The following CLYBL variants were observed in gnomAD, a reference collection of about 807,000 sequenced individuals.
The protein encoded by CLYBL is citramalyl-CoA lyase.
Under a neutral mutation model 38.9 loss-of-function variants are expected in CLYBL, and 31 were observed. The observed-to-expected ratio is 0.80, with a 90% CI of 0.60 to 1.08. The LOEUF (loss-of-function observed/expected upper bound fraction) is 1.08, where lower values mean the gene tolerates loss of function less well. Among genes scored for constraint, CLYBL ranks in the 50% least tolerant of loss-of-function variants. The probability of loss-of-function intolerance (pLI) is 0.00; values close to 1 mark genes in which losing one functional copy is unlikely to be tolerated. For missense variants in CLYBL, 434 were observed against 411.6 expected (o/e 1.05, Z -0.47); for synonymous variants, 171 against 158.6 (o/e 1.08, Z -0.59).
intron 1 of CLYBL, among the ~76,000 whole-genome samples, chr13:99,692,831 T>C (rs947971346): frequency 6.6e-6 from 1 of 152,220 alleles, no homozygotes; most frequent in Non-Finnish European, 1.5e-5. Flanking sequence ...TATATAAATA[T>C]GCCCTTTTAT....
intron 1 of CLYBL, among the ~76,000 whole-genome samples, chr13:99,644,210 A>ATATGTGGTGTATGTATGTC (rs2047141903): frequency 7.2e-6 from 1 of 139,796 alleles, no homozygotes; most frequent in East Asian, 2.0e-4. Context: ...GTGTATGTGT[A>ATATGTGGTGTATGTATGTC]TATGTGGTGT....
rs375375112 is a variant in CLYBL at position 99,646,715 on chromosome 13, A to G, written c.62+39958A>G. Among the ~76,000 whole-genome samples, 665 of 147,062 alleles carry G rather than the reference A, an allele frequency of 4.5e-3. 4 individuals carry two copies. Among genetic ancestry groups the G allele is most frequent in the African/African-American group, 0.016 (628 of 39,510 alleles). On this transcript the variant is annotated intron_variant, in intron 1 of 8. Transcript: ENST00000339105. Reference sequence around the variant, plus strand: ...TTTTTTTTGTATTTTTAGTAGAGACAGGGTTTCACCATCTTGGCCAGGTTG... The same window carrying G: ...TTTTTTTTGTATTTTTAGTAGAGACGGGGTTTCACCATCTTGGCCAGGTTG...
At chr13:99,741,691 G>A (rs896203625) in intron 1 of CLYBL, among the ~76,000 whole-genome samples, 1 of 152,186 alleles carries the variant, frequency 6.6e-6, no homozygotes, top group Non-Finnish European at 1.5e-5. Flanking sequence ...TGCCCAGGCT[G>A]GTCTTGAACT....
At chr13:99,775,979 T>A (rs549656174) in intron 2 of CLYBL, among the ~76,000 whole-genome samples, 1 of 151,408 alleles carries the variant, frequency 6.6e-6, no homozygotes, top group Non-Finnish European at 1.5e-5. Context: ...CTGGCTAACA[T>A]GGTGAAACCC....
At chr13:99,768,865 C>T (rs189747170) in intron 1 of CLYBL, among the ~76,000 whole-genome samples, 7 of 152,202 alleles carry the variant, frequency 4.6e-5, no homozygotes, top group Admixed American at 3.9e-4. Flanking sequence ...TTTCTATTTT[C>T]CCCTATATAT....
intron 1 of CLYBL, among the ~76,000 whole-genome samples, chr13:99,649,694 A>G (rs1006773878): frequency 5.3e-5 from 8 of 151,728 alleles, no homozygotes; most frequent in African/African-American, 1.5e-4. Flanking sequence ...GCGAAACCCC[A>G]TCTCTACAAA....
At chr13:99,629,669 C>A (rs1443068611) in intron 1 of CLYBL, among the ~76,000 whole-genome samples, 2 of 152,198 alleles carry the variant, frequency 1.3e-5, no homozygotes, top group African/African-American at 2.4e-5. Flanking sequence ...TTTAATATTT[C>A]TGTCCTTCAT....
chr13:99,808,062 G>A (rs1372840776), intron 2 of CLYBL, among the ~76,000 whole-genome samples: 1 of 151,622 alleles, frequency 6.6e-6, no homozygotes. Context: ...GATCCTCTTG[G>A]TTTTTGTTTT....
At chr13:99,710,386 C>T (rs1485609448) in intron 1 of CLYBL, among the ~76,000 whole-genome samples, 2 of 152,074 alleles carry the variant, frequency 1.3e-5, no homozygotes, top group African/African-American at 4.8e-5. Context: ...TCTCAGGGAC[C>T]GTCTGCTGTG....
At chr13:99,888,458 T>G (rs1359387056) in intron 7 of CLYBL, among the ~76,000 whole-genome samples, 4 of 152,102 alleles carry the variant, frequency 2.6e-5, no homozygotes, top group Non-Finnish European at 5.9e-5. Context: ...GTTAAAAAAT[T>G]TAACCATGAG....
intron 2 of CLYBL, among the ~76,000 whole-genome samples, chr13:99,774,337 T>C (rs1653903321): frequency 6.6e-6 from 1 of 152,228 alleles, no homozygotes; most frequent in African/African-American, 2.4e-5. Context: ...TTGCTCAACT[T>C]TGTTTTCTAT....
chr13:99,831,721 CTT>C (rs75837569), intron 2 of CLYBL, among the ~76,000 whole-genome samples: 21 of 138,864 alleles, frequency 1.5e-4, no homozygotes, highest in East Asian at 2.1e-4. Context: ...CATTTTCTTT[CTT>C]TTTTTTTTTT....
intron 2 of CLYBL, among the ~76,000 whole-genome samples, chr13:99,816,631 A>G (rs1206965511): frequency 1.3e-5 from 2 of 152,224 alleles, no homozygotes; most frequent in African/African-American, 4.8e-5. Context: ...CCCATATGAA[A>G]GAGGCTCCTC....
intron 1 of CLYBL, among the ~76,000 whole-genome samples, chr13:99,672,103 C>A (rs567221914): frequency 6.6e-6 from 1 of 152,108 alleles, no homozygotes; most frequent in Admixed American, 6.5e-5. Context: ...TATTAGCTGT[C>A]GTCCCTCTTG....
chr13:99,637,714 C>T (rs1044199760), intron 1 of CLYBL, among the ~76,000 whole-genome samples: 32 of 152,214 alleles, frequency 2.1e-4, no homozygotes, highest in South Asian at 8.3e-4. Flanking sequence ...GCTGAGATCG[C>T]GCCACTGCAT....
intron 2 of CLYBL, among the ~76,000 whole-genome samples, chr13:99,828,097 T>G (rs530424518): frequency 6.6e-6 from 1 of 152,300 alleles, no homozygotes; most frequent in Non-Finnish European, 1.5e-5. Context: ...ATATATGTAT[T>G]TATTTTCAAA....
At chr13:99,803,661 C>T (rs1282372319) in intron 2 of CLYBL, among the ~76,000 whole-genome samples, 1 of 152,318 alleles carries the variant, frequency 6.6e-6, no homozygotes, top group South Asian at 2.1e-4. Context: ...AAAACACTTA[C>T]CAGAGTGCCT....
intron 1 of CLYBL, among the ~76,000 whole-genome samples, chr13:99,616,556 A>T (rs1248572903): frequency 6.6e-6 from 1 of 152,194 alleles, no homozygotes; most frequent in Non-Finnish European, 1.5e-5. Context: ...GGGCCCGCCC[A>T]TGGGTGTTTC....
At chr13:99,629,619 G>T (rs572757225) in intron 1 of CLYBL, among the ~76,000 whole-genome samples, 63 of 152,106 alleles carry the variant, frequency 4.1e-4, no homozygotes, top group Non-Finnish European at 1.6e-4. Context: ...TGATTCTCAT[G>T]GGCAGCTTGA....
Sources: allele counts gnomAD v4.1 joint callset (sites outside exome capture counted in the v4.1 genomes callset), GRCh38; gene constraint gnomAD v4.1.1; transcripts MANE v1.5; gene names NCBI Gene and HGNC (gene_info 2026-07-23, HGNC 2026-07-21).